IFT80: variants seen among roughly 807,000 people sequenced by gnomAD.
The protein encoded by IFT80 is intraflagellar transport protein 80 homolog.
A neutral mutation model predicts 107.9 loss-of-function variants in IFT80; 79 were observed. That is an observed-to-expected ratio of 0.73 (90% CI 0.61 to 0.88). The LOEUF is 0.88. Among genes scored for constraint, IFT80 ranks in the 40% least tolerant of loss-of-function variants. The pLI is 0.00. For synonymous variants in IFT80, 299 were observed against 300.9 expected, an observed-to-expected ratio of 0.99 and a Z score of 0.07; for missense variants, 797 against 914.2, an observed-to-expected ratio of 0.87 and a Z score of 1.65.
intron 18 of IFT80, 78 bp downstream of exon 18, chr3:160,277,228 G>C: frequency 8.2e-7 from 1 of 1,225,246 alleles, no homozygotes; most frequent in Non-Finnish European, 1.2e-6. Flanking sequence ...AGTGGAAAAT[G>C]TAATTTACTA....
At chr3:160,323,124 T>C (rs1210048045) in intron 8 of IFT80, among the ~76,000 whole-genome samples, 1 of 149,850 alleles carries the variant, frequency 6.7e-6, no homozygotes, top group South Asian at 2.1e-4. Flanking sequence ...GCCTATGTCC[T>C]GAATGGTAAT....
At chr3:160,319,616 C>T in intron 9 of IFT80, 144 bp downstream of exon 9, 1 of 726,850 alleles carries the variant, frequency 1.4e-6, no homozygotes, top group South Asian at 1.9e-5. Flanking sequence ...GAGAAAGTGA[C>T]TAATGGAATA....
intron 9 of IFT80, among the ~76,000 whole-genome samples, chr3:160,317,831 A>T (rs1717927500): frequency 6.6e-6 from 1 of 151,926 alleles, no homozygotes; most frequent in South Asian, 2.1e-4. Flanking sequence ...ATAGAAGGGG[A>T]CTCTTCAGAC....
chr3:160,357,549 T>C lies in IFT80; in HGVS notation c.579A>G (p.Lys193=). Reference sequence around the variant, plus strand: ...GATCATTGACCGAGTTCCAATCTACTTTTAAAATAATGCCATCATGAGCTT... The same window carrying C: ...GATCATTGACCGAGTTCCAATCTACCTTTAAAATAATGCCATCATGAGCTT... ...QWKAHDGIIL[K]VDWNSVNDLI... is the part of the protein sequence containing the mutation. Residue 193 remains lysine, a synonymous_variant, in exon 7 of 20, where the codon AAA becomes AAG. Coordinates refer to ENST00000326448, the MANE Select transcript of IFT80 (RefSeq NM_020800.3). 1 of 1,599,358 alleles carries C rather than the reference T, an allele frequency of 6.3e-7. No homozygotes were observed. The highest frequency in any genetic ancestry group is 2.2e-5 in the East Asian group (1 of 44,692).
intron 1 of IFT80, chr3:160,391,514 T>C (rs1297726714): frequency 6.6e-6 from 1 of 151,734 alleles, no homozygotes; most frequent in African/African-American, 2.4e-5. Flanking sequence ...CTACTAAAAA[T>C]ACAAAAAATT....
chr3:160,281,427 A>G (rs1392829526), intron 14 of IFT80, among the ~76,000 whole-genome samples: 1 of 152,214 alleles, frequency 6.6e-6, no homozygotes, highest in African/African-American at 2.4e-5. Flanking sequence ...GAAATGTTAC[A>G]GCAGGTAGTC....
intron 12 of IFT80, 147 bp from the exon 13 acceptor site, chr3:160,286,015 G>A (rs1426279778): frequency 6.9e-6 from 4 of 578,378 alleles, no homozygotes; most frequent in African/African-American, 5.6e-5. Context: ...ATTTATTAAT[G>A]TGGTCACATT....
chr3:160,345,757 G>T (rs1720248521), intron 8 of IFT80, among the ~76,000 whole-genome samples: 1 of 151,808 alleles, frequency 6.6e-6, no homozygotes, highest in African/African-American at 2.4e-5. Flanking sequence ...CATGGGTTGG[G>T]GGAGGAGAGG....
intron 1 of IFT80, among the ~76,000 whole-genome samples, chr3:160,389,415 GGT>G (rs1386655801): frequency 2.0e-5 from 3 of 151,184 alleles, no homozygotes; most frequent in African/African-American, 7.3e-5. Context: ...GTGCCATGCT[GGT>G]GTGCTGCACC....
chr3:160,381,174 C>T (rs560884495), intron 3 of IFT80, among the ~76,000 whole-genome samples: 4 of 146,518 alleles, frequency 2.7e-5, no homozygotes, highest in African/African-American at 1.0e-4. Context: ...GAGTTTGAAG[C>T]TACAGTGAGC....
chr3:160,270,988 T>C (rs1291145488), intron 18 of IFT80, among the ~76,000 whole-genome samples: 6 of 152,174 alleles, frequency 3.9e-5, no homozygotes, highest in African/African-American at 1.2e-4. Flanking sequence ...GAAACATCAA[T>C]ACATTTAATT....
At chr3:160,337,309 T>C (rs2108327561) in intron 8 of IFT80, among the ~76,000 whole-genome samples, 1 of 152,256 alleles carries the variant, frequency 6.6e-6, no homozygotes, top group Middle Eastern at 3.4e-3. Flanking sequence ...TTTATAATAG[T>C]TTGATTATGA....
At chr3:160,380,777 GT>G (rs755083516) in intron 3 of IFT80, among the ~76,000 whole-genome samples, 2 of 151,996 alleles carry the variant, frequency 1.3e-5, no homozygotes, top group Non-Finnish European at 2.9e-5. Flanking sequence ...CTTCAACTCT[GT>G]AACTGAAAAT....
chr3:160,383,391 TA>T, intron 2 of IFT80: 1 of 825,716 alleles, frequency 1.2e-6, no homozygotes, highest in Middle Eastern at 6.3e-4. Context: ...CATCTTCACT[TA>T]ATAGTTAAAT....
At chr3:160,293,657 A>G (rs148055873) in intron 12 of IFT80, among the ~76,000 whole-genome samples, 5 of 152,232 alleles carry the variant, frequency 3.3e-5, no homozygotes. Flanking sequence ...TCTGAGTGAT[A>G]GAAGTGCCAT....
chr3:160,375,423 G>A (rs979045623), intron 5 of IFT80, among the ~76,000 whole-genome samples: 9 of 152,074 alleles, frequency 5.9e-5, no homozygotes, highest in Admixed American at 2.6e-4. Flanking sequence ...TGAAGTTATC[G>A]GGGATTTTTA....
In IFT80 at chr3:160,282,566, A is replaced by G; in HGVS notation, c.1428T>C (p.Asp476=). The change falls in exon 14 of 20, where the codon GAT becomes GAC. Residue 476 remains aspartate (D), a synonymous_variant. Transcript: ENST00000326448. ...IALDQKGLTN[D]RKIAFIDKNR... ...TTTTATCAATGAAAGCAATTTTTCT[A>G]TCATTGGTAAGTCCTTTTTGATCCA... 1.9e-6 allele frequency: 3 copies of G among 1,591,570 alleles called. No homozygotes were observed. The highest frequency in any genetic ancestry group is 2.6e-6 in the Non-Finnish European group (3 of 1,163,758).
chr3:160,346,206 A>G (rs1720281900), intron 8 of IFT80, among the ~76,000 whole-genome samples: 2 of 152,186 alleles, frequency 1.3e-5, no homozygotes, highest in Admixed American at 1.3e-4. Context: ...CATGGTTAAT[A>G]ATAATAACAA....
At chr3:160,268,367 A>G in intron 19 of IFT80, 46 bp downstream of exon 19, 1 of 1,481,224 alleles carries the variant, frequency 6.8e-7, no homozygotes, top group South Asian at 1.2e-5. Context: ...TATGACATAT[A>G]CTTATAAAGC....
Sources: gnomAD v4.1 joint callset for allele counts (sites outside exome capture counted in the v4.1 genomes callset) on GRCh38, gnomAD v4.1.1 for gene constraint, MANE v1.5 for transcripts, NCBI Gene and HGNC (gene_info 2026-07-23, HGNC 2026-07-21) for gene names.